The following PDZD2 variants were observed in gnomAD, a reference collection of about 807,000 sequenced individuals.
PDZD2 encodes PDZ domain-containing protein 2.
PDZD2 carries 90 observed loss-of-function variants against 220.7 expected under a neutral mutation model. The observed-to-expected ratio is 0.41, with a 90% CI of 0.34 to 0.49. The LOEUF (loss-of-function observed/expected upper bound fraction) is 0.49, where lower values mean the gene tolerates loss of function less well. Among genes scored for constraint, PDZD2 ranks in the 20% least tolerant of loss-of-function variants. The pLI is 0.28. For missense variants in PDZD2, 3,174 were observed against 3,608.5 expected (o/e 0.88, Z 3.08); for synonymous variants, 1,375 against 1,450.5 (o/e 0.95, Z 1.18).
intron 2 of PDZD2, among the ~76,000 whole-genome samples, chr5:31,934,631 TAAGTC>T (rs1745568759): frequency 6.9e-6 from 1 of 144,058 alleles, no homozygotes; most frequent in South Asian, 2.2e-4. Flanking sequence ...AAAAAAGACT[TAAGTC>T]CGGATACTAG....
intron 3 of PDZD2, among the ~76,000 whole-genome samples, chr5:31,988,813 C>T (rs1003274265): frequency 6.6e-6 from 1 of 152,182 alleles, no homozygotes; most frequent in Non-Finnish European, 1.5e-5. Context: ...TACCTGGTTT[C>T]TTCTCCCCTC....
intron 3 of PDZD2, among the ~76,000 whole-genome samples, chr5:31,986,043 C>G (rs1750687145): frequency 7.1e-6 from 1 of 141,302 alleles, no homozygotes. Context: ...CCATTGCACT[C>G]CAGCTTGGGC....
chr5:32,045,555 G>C (rs1737851807), intron 7 of PDZD2, among the ~76,000 whole-genome samples: 1 of 150,966 alleles, frequency 6.6e-6, no homozygotes, highest in African/African-American at 2.4e-5. Flanking sequence ...CGTGTAGCTG[G>C]GACTACAGGC....
At position 32,087,550 on chromosome 5, in the gene PDZD2, C is replaced by A; in HGVS notation, c.4102C>A (p.His1368Asn). ...HSKALEMTGIHAPESSQEPSL... is the reference protein window; with the variant it reads ...HSKALEMTGINAPESSQEPSL... ...TAAGGCTCTGGAAATGACAGGAATC[C>A]ATGCACCTGAAAGCTCCCAGGAGCC... is the stretch of plus-strand genomic sequence containing the variant. The change falls in exon 20 of 25, where the codon CAT becomes AAT. Residue 1368 changes from histidine to asparagine, a missense_variant. His to Asn is a moderately conservative substitution (Grantham distance 68). Around this residue, in one of 4 missense-constraint regions of PDZD2, gnomAD observed 1,861 missense variants for 2,001.0 expected, o/e 0.93. Coordinates refer to ENST00000438447, the MANE Select transcript of PDZD2 (RefSeq NM_178140.4). The surrounding 1 kb of genome is among the most constrained non-coding windows in gnomAD (Gnocchi z 4.0). The A allele has an allele frequency of 3.7e-6, 6 of 1,613,838 alleles. No homozygotes were observed. Among genetic ancestry groups the A allele is most frequent in the Non-Finnish European group, 5.1e-6 (6 of 1,179,844 alleles).
At chr5:31,828,973 G>T (rs539225438) in intron 2 of PDZD2, among the ~76,000 whole-genome samples, 1 of 152,304 alleles carries the variant, frequency 6.6e-6, no homozygotes, top group Non-Finnish European at 1.5e-5. Context: ...TAGGGACAAG[G>T]CTACTTTTGC....
chr5:31,927,493 C>T (rs1227938473), intron 2 of PDZD2, among the ~76,000 whole-genome samples: 2 of 152,152 alleles, frequency 1.3e-5, no homozygotes, highest in Non-Finnish European at 2.9e-5. Flanking sequence ...AAGTGATTCT[C>T]CTGCTTCAGC....
intron 1 of PDZD2, among the ~76,000 whole-genome samples, chr5:31,682,653 G>A (rs1267882015): frequency 6.6e-6 from 1 of 151,248 alleles, no homozygotes; most frequent in Non-Finnish European, 1.5e-5. Context: ...TAGAACTAGC[G>A]CATTCTCAGT....
chr5:31,745,795 A>G (rs1322457785), intron 1 of PDZD2, among the ~76,000 whole-genome samples: 1 of 140,622 alleles, frequency 7.1e-6, no homozygotes, highest in Non-Finnish European at 1.5e-5. Flanking sequence ...GGTGTTTCCT[A>G]ACTCATGTAA....
chr5:32,028,823 T>C (rs1754902672), intron 6 of PDZD2, among the ~76,000 whole-genome samples: 4 of 152,026 alleles, frequency 2.6e-5, no homozygotes, highest in Admixed American at 6.6e-5. Flanking sequence ...GCTGGGATTA[T>C]AGACATGTGC....
At chr5:31,688,533 C>T (rs550545055) in intron 1 of PDZD2, among the ~76,000 whole-genome samples, 13 of 152,298 alleles carry the variant, frequency 8.5e-5, no homozygotes, top group African/African-American at 3.1e-4. Context: ...AGGTGCTGAG[C>T]TTCCAACCCA....
At chr5:31,739,654 T>C (rs1027265249) in intron 1 of PDZD2, among the ~76,000 whole-genome samples, 1 of 152,248 alleles carries the variant, frequency 6.6e-6, no homozygotes, top group African/African-American at 2.4e-5. Flanking sequence ...ACCAGCCATT[T>C]AATTCCTCCC....
chr5:31,921,253 C>G (rs965555079), intron 2 of PDZD2, among the ~76,000 whole-genome samples: 5 of 152,148 alleles, frequency 3.3e-5, no homozygotes, highest in Non-Finnish European at 7.4e-5. Context: ...TCCCAACTCT[C>G]CTCCATCTGT....
At chr5:31,975,815 T>TTTTTTTG (rs1749709810) in intron 2 of PDZD2, among the ~76,000 whole-genome samples, 1 of 141,778 alleles carries the variant, frequency 7.1e-6, no homozygotes, top group Non-Finnish European at 1.5e-5. Context: ...TTATTTTTTT[T>TTTTTTTG]TTTTTTGAGA....
At chr5:31,670,943 GA>G (rs1746193226) in intron 1 of PDZD2, among the ~76,000 whole-genome samples, 1 of 152,088 alleles carries the variant, frequency 6.6e-6, no homozygotes, top group Non-Finnish European at 1.5e-5. Context: ...AAGACCCCTG[GA>G]CTCAGGGTTA....
intron 2 of PDZD2, among the ~76,000 whole-genome samples, chr5:31,964,847 C>T (rs1406339149): frequency 6.6e-6 from 1 of 152,324 alleles, no homozygotes; most frequent in African/African-American, 2.4e-5. Context: ...TCCCGAGGAG[C>T]TGGGACTACA....
In PDZD2 at chr5:32,010,609, ATTCT is replaced by A. The variant is rs1753217035; in HGVS notation, c.1407+132_1407+135del. Reference sequence around the variant, plus strand: ...CCATGATGGGAAAAGACACCAGTGCATTCTTTCTATGTTTTTCTCGGAATCTCTG... The same window carrying A: ...CCATGATGGGAAAAGACACCAGTGCATTCTATGTTTTTCTCGGAATCTCTG... On this transcript the variant is annotated intron_variant, in intron 6 of 24. Transcript: ENST00000438447. 9.3e-6 allele frequency: 7 copies of A among 753,654 alleles called. No homozygotes were observed. In the South Asian group the frequency reaches 1.0e-4, roughly 11 times the overall value. 46.7% of individuals were successfully genotyped at this position (753,654 alleles called of 1,614,324 possible). A position where few individuals can be genotyped will look rare whatever the true frequency, so the allele number is the denominator to read the frequency against.
chr5:31,730,575 T>TGC (rs1749467536), intron 1 of PDZD2, among the ~76,000 whole-genome samples: 1 of 116,408 alleles, frequency 8.6e-6, no homozygotes, highest in Admixed American at 8.8e-5. Flanking sequence ...TGTGTGTGTG[T>TGC]GTGTGTGTGT....
intron 2 of PDZD2, among the ~76,000 whole-genome samples, chr5:31,817,494 G>GAA (rs1015978745): frequency 1.4e-5 from 2 of 142,434 alleles, no homozygotes; most frequent in Non-Finnish European, 3.1e-5. Flanking sequence ...CTCCATCTCA[G>GAA]AAAAAAAAAA....
chr5:32,038,946 G>A (rs1755780663), intron 7 of PDZD2, among the ~76,000 whole-genome samples: 1 of 152,252 alleles, frequency 6.6e-6, no homozygotes, highest in African/African-American at 2.4e-5. Context: ...AGCACAATGT[G>A]TAGTACGTTA....
Sources: allele counts gnomAD v4.1 joint callset (sites outside exome capture counted in the v4.1 genomes callset), GRCh38; gene constraint gnomAD v4.1.1; regional missense constraint gnomAD v4.1.1; non-coding constraint Gnocchi (gnomAD v3.1); transcripts MANE v1.5; gene names NCBI Gene and HGNC (gene_info 2026-07-23, HGNC 2026-07-21).